C2orf92: variants seen among roughly 807,000 people sequenced by gnomAD.
C2orf92 encodes the protein chromosome 2 open reading frame 92, also known as uncharacterized protein C2orf92.
intron 3 of C2orf92, among the ~76,000 whole-genome samples, chr2:97,677,117 G>A (rs1271685740): frequency 1.3e-5 from 2 of 152,196 alleles, no homozygotes; most frequent in African/African-American, 4.8e-5. Flanking sequence ...GGTAGTGGCT[G>A]CCATCCTCCA....
At chr2:97,666,424 C>T (rs1469273386), upstream of C2orf92, among the ~76,000 whole-genome samples, 1 of 150,356 alleles carries the variant, frequency 6.7e-6, no homozygotes. Flanking sequence ...GTTGTCCCAG[C>T]TACTCAGGAG....
At position 97,702,654 on chromosome 2, in the gene C2orf92, G is replaced by T; in HGVS notation, c.666-15G>T. 2.5e-6 allele frequency: 1 copy of T among 398,592 alleles called. No individual in the cohort carries two copies. 24.7% of individuals were successfully genotyped at this position (398,592 alleles called of 1,614,324 possible). A position where few individuals can be genotyped will look rare whatever the true frequency, so the allele number is the denominator to read the frequency against. On this transcript the variant is annotated splice_polypyrimidine_tract_variant and intron_variant, in intron 7 of 7. Coordinates refer to ENST00000627399, the MANE Select transcript of C2orf92 (RefSeq NM_001351368.2). ...CGCTGAGCTGAGCACTGTGGTTTTT[G>T]TTATTTTGTTTTAGATCTCCTCTGG...
chr2:97,663,998 C>A, upstream of C2orf92: 1 of 620,690 alleles, frequency 1.6e-6, no homozygotes, highest in Non-Finnish European at 2.3e-6. Context: ...GCGCCGCTGC[C>A]CTCCCTCCCC....
upstream of C2orf92, chr2:97,666,041 A>T (rs1675221536): frequency 6.6e-6 from 1 of 151,956 alleles, no homozygotes; most frequent in African/African-American, 2.4e-5. Context: ...TGGACTCCCA[A>T]AGTGCTGGGA....
intron 5 of C2orf92, among the ~76,000 whole-genome samples, chr2:97,691,978 A>G (rs913088020): frequency 4.6e-5 from 7 of 152,020 alleles, no homozygotes; most frequent in African/African-American, 1.7e-4. Context: ...TTGTTTTTTC[A>G]TTGTTTTCCT....
intron 3 of C2orf92, among the ~76,000 whole-genome samples, chr2:97,681,254 A>G (rs1166158374): frequency 6.6e-6 from 1 of 152,108 alleles, no homozygotes; most frequent in Non-Finnish European, 1.5e-5. Context: ...ATTCTTCTCA[A>G]GAGCATATGG....
intron 3 of C2orf92, among the ~76,000 whole-genome samples, chr2:97,682,004 A>G (rs866060812): frequency 4.6e-5 from 7 of 152,214 alleles, no homozygotes; most frequent in African/African-American, 4.8e-5. Context: ...CAGAAAAACA[A>G]TAGAAGAGAA....
intron 5 of C2orf92, among the ~76,000 whole-genome samples, chr2:97,692,814 C>T (rs758902477): frequency 1.8e-4 from 28 of 152,320 alleles, no homozygotes; most frequent in Non-Finnish European, 3.5e-4. Flanking sequence ...GCTGGAGATA[C>T]AGTGGGCATC....
intron 4 of C2orf92, among the ~76,000 whole-genome samples, 193 bp from the exon 5 acceptor site, chr2:97,690,063 G>A (rs768431993): frequency 2.0e-5 from 3 of 151,886 alleles, no homozygotes; most frequent in South Asian, 2.1e-4. Context: ...CCTGGGAGGC[G>A]GAGGTTGCCG....
chr2:97,700,870 C>T (rs1401171406), intron 6 of C2orf92, among the ~76,000 whole-genome samples: 4 of 152,132 alleles, frequency 2.6e-5, no homozygotes, highest in Non-Finnish European at 5.9e-5. Flanking sequence ...GCTGGGACTA[C>T]AGGCGCCCGC....
At chr2:97,690,582 C>T (rs545055848) in intron 5 of C2orf92, among the ~76,000 whole-genome samples, 360 of 151,970 alleles carry the variant, frequency 2.4e-3, no homozygotes, top group African/African-American at 8.2e-3. Context: ...AGGGTTTCAC[C>T]GTGTTAGCCA....
intron 3 of C2orf92, among the ~76,000 whole-genome samples, chr2:97,686,522 C>T (rs1377703320): frequency 2.0e-5 from 3 of 152,078 alleles, no homozygotes; most frequent in Admixed American, 1.3e-4. Flanking sequence ...CCGGTTCAAG[C>T]GATTCTCTTG....
upstream of C2orf92, chr2:97,665,729 CTCTCTCTCTATATATATATATATATATA>C (rs1487548247): frequency 0.014 from 381 of 27,604 alleles, no homozygotes; most frequent in Non-Finnish European, 0.03. Context: ...CTCTCTCTCT[CTCTCTCTCTATATATATATATATATATA>C]TATATATATA....
chr2:97,664,000 T>G, upstream of C2orf92: 1 of 599,018 alleles, frequency 1.7e-6, no homozygotes. Context: ...GCCGCTGCCC[T>G]CCCTCCCCGA....
intron 3 of C2orf92, among the ~76,000 whole-genome samples, chr2:97,680,861 G>A (rs1464749454): frequency 6.6e-6 from 1 of 152,158 alleles, no homozygotes. Flanking sequence ...GGGAGGTGGA[G>A]CTTGCAGTGG....
At chr2:97,700,294 T>A (rs1676448529) in intron 6 of C2orf92, among the ~76,000 whole-genome samples, 1 of 152,130 alleles carries the variant, frequency 6.6e-6, no homozygotes, top group Non-Finnish European at 1.5e-5. Flanking sequence ...GGTGCAGACA[T>A]GAAATCTCCC....
At chr2:97,694,356 C>T (rs1676237733) in intron 5 of C2orf92, 1 of 151,402 alleles carries the variant, frequency 6.6e-6, no homozygotes. Context: ...TCTCCTGTCT[C>T]AGTCTCCCCA....
At chr2:97,691,360 C>T (rs1463173) in intron 5 of C2orf92, among the ~76,000 whole-genome samples, 71,230 of 151,994 alleles carry the variant, frequency 0.47, 20,125 homozygotes, top group Non-Finnish European at 0.64. Flanking sequence ...GGTGGTGGGG[C>T]TGGGCAGTGG....
rs1208871317 is a variant in C2orf92 at position 97,674,482 on chromosome 2, A to G, written c.73A>G (p.Lys25Glu). 1.0e-5 allele frequency: 4 copies of G among 398,636 alleles called. No homozygotes were observed. The highest frequency in any genetic ancestry group is 1.8e-5 in the Non-Finnish European group (4 of 226,072). 24.7% of individuals were successfully genotyped at this position (398,636 alleles called of 1,614,324 possible). Residue 25 changes from lysine (K) to glutamate (E), a missense_variant, in exon 2 of 8, where the codon AAG (lysine) becomes GAG (glutamate). By Grantham distance (56) the Lys-to-Glu change is moderately conservative. Transcript: ENST00000627399. ...QDEIVLQVFS[K>E]VPYDPSFDET... is the part of the protein sequence containing the mutation. ...TGAAATTGTGCTCCAAGTGTTTTCC[A>G]AGGTTCCGTATGACCCATCATTTGA... is the stretch of plus-strand genomic sequence containing the variant.
Sources: gnomAD v4.1 joint callset for allele counts (sites outside exome capture counted in the v4.1 genomes callset) on GRCh38, gnomAD v4.1.1 for gene constraint, MANE v1.5 for transcripts, NCBI Gene and HGNC (gene_info 2026-07-23, HGNC 2026-07-21) for gene names.